SH2D4B: variants seen among roughly 807,000 people sequenced by gnomAD.
SH2D4B encodes SH2 domain containing 4B.
SH2D4B carries 45 observed loss-of-function variants against 61.5 expected under a neutral mutation model. The observed-to-expected ratio is 0.73, with a 90% CI of 0.58 to 0.94. The LOEUF is 0.94. Ranked by LOEUF, SH2D4B falls within the 40% of genes least tolerant of loss-of-function variation. The pLI is 0.00. For missense variants in SH2D4B, 572 were observed against 574.2 expected, an observed-to-expected ratio of 1.00 and a Z score of 0.04; for synonymous variants, 224 against 220.4, an observed-to-expected ratio of 1.02 and a Z score of -0.14.
intron 1 of SH2D4B, chr10:80,540,969 G>A: frequency 7.1e-7 from 1 of 1,409,608 alleles, no homozygotes; most frequent in African/African-American, 1.4e-5. Context: ...CCAGGCTCTT[G>A]AAACTGTCTT....
intron 7 of SH2D4B, among the ~76,000 whole-genome samples, chr10:80,637,780 T>C (rs1265849734): frequency 1.7e-4 from 26 of 152,192 alleles, no homozygotes; most frequent in Admixed American, 1.4e-3. Context: ...CCTTTATTTC[T>C]TTCTCCTGCC....
At chr10:80,576,822 C>CAGGG (rs1385452829) in intron 3 of SH2D4B, among the ~76,000 whole-genome samples, 1 of 152,158 alleles carries the variant, frequency 6.6e-6, no homozygotes, top group Non-Finnish European at 1.5e-5. Context: ...GGCTGGAGTG[C>CAGGG]AGGGACATGA....
At chr10:80,576,567 A>G (rs1769786933) in intron 3 of SH2D4B, among the ~76,000 whole-genome samples, 1 of 152,156 alleles carries the variant, frequency 6.6e-6, no homozygotes, top group Non-Finnish European at 1.5e-5. Context: ...TGCTGTGTGG[A>G]ACTCTTCATC....
intron 3 of SH2D4B, among the ~76,000 whole-genome samples, chr10:80,584,304 G>A (rs7897697): frequency 0.1 from 15,311 of 152,218 alleles, 902 homozygotes; most frequent in African/African-American, 0.17. Flanking sequence ...CAGTGCAGAT[G>A]GGAGAAGAAA....
chr10:80,564,270 T>G (rs1168979046), intron 1 of SH2D4B, among the ~76,000 whole-genome samples: 3 of 152,228 alleles, frequency 2.0e-5, no homozygotes, highest in African/African-American at 4.8e-5. Context: ...TTTAAATGTT[T>G]TCAAGTTTCC....
At chr10:80,553,738 C>G (rs186834060) in intron 1 of SH2D4B, among the ~76,000 whole-genome samples, 1 of 152,320 alleles carries the variant, frequency 6.6e-6, no homozygotes, top group Non-Finnish European at 1.5e-5. Flanking sequence ...TGCTCATACA[C>G]AGCAAAGGCA....
At chr10:80,612,901 G>A (rs1201791436) in intron 6 of SH2D4B, among the ~76,000 whole-genome samples, 9 of 152,182 alleles carry the variant, frequency 5.9e-5, no homozygotes, top group East Asian at 5.8e-4. Flanking sequence ...AGAACTTAGC[G>A]GCTCTGAGAC....
intron 7 of SH2D4B, among the ~76,000 whole-genome samples, chr10:80,637,757 C>G (rs1226089421): frequency 6.6e-6 from 1 of 152,188 alleles, no homozygotes; most frequent in Non-Finnish European, 1.5e-5. Context: ...TTCCTCTTTT[C>G]CTAATTGAAT....
At chr10:80,566,479 A>G (rs192641050) in intron 1 of SH2D4B, among the ~76,000 whole-genome samples, 1 of 151,986 alleles carries the variant, frequency 6.6e-6, no homozygotes, top group Non-Finnish European at 1.5e-5. Flanking sequence ...TAGTTTTAGT[A>G]GAGATGGGGT....
chr10:80,574,730 C>T lies in SH2D4B; in HGVS notation c.495+3152C>T, dbSNP rs546946430. Among the ~76,000 whole-genome samples, 19 of 151,988 alleles carry T rather than the reference C, an allele frequency of 1.3e-4. No individual in the cohort carries two copies. In the South Asian group the frequency reaches 1.5e-3, roughly 12 times the overall value. Reference sequence around the variant, plus strand: ...AATTAATTTGTTTGAGACGGAGTTTCGCTCTTGTTGTCCAGGCTGGAGTGC... The same window carrying T: ...AATTAATTTGTTTGAGACGGAGTTTTGCTCTTGTTGTCCAGGCTGGAGTGC... On this transcript the variant is annotated intron_variant, in intron 3 of 7. Transcript: ENST00000646907.
At chr10:80,631,004 G>A (rs1019363749) in intron 6 of SH2D4B, among the ~76,000 whole-genome samples, 2 of 152,206 alleles carry the variant, frequency 1.3e-5, no homozygotes, top group Admixed American at 1.3e-4. Context: ...GTTTTGGCAT[G>A]TTAAAAGTCA....
intron 4 of SH2D4B, among the ~76,000 whole-genome samples, chr10:80,603,157 C>A (rs996445871): frequency 6.6e-6 from 1 of 152,054 alleles, no homozygotes; most frequent in African/African-American, 2.4e-5. Flanking sequence ...GCCACCTTGA[C>A]GGGTGAGCTG....
rs1321543985 is a variant in SH2D4B, at chr10:80,646,193, C to T, written c.*2108C>T. ...AACAATAACAACTTAGTGCTTAGCC[C>T]ATGATGTATCAGGGGATATGATGTG... On this transcript the variant is annotated 3_prime_UTR_variant, in exon 8 of 8. Transcript: ENST00000646907. 1 of 152,576 alleles carries T rather than the reference C, an allele frequency of 6.6e-6. No homozygotes were observed. The highest frequency in any genetic ancestry group is 1.9e-4 in the East Asian group (1 of 5,202). 9.5% of individuals were successfully genotyped at this position (152,576 alleles called of 1,614,324 possible).
At chr10:80,561,903 A>T (rs1841905882) in intron 1 of SH2D4B, among the ~76,000 whole-genome samples, 1 of 152,160 alleles carries the variant, frequency 6.6e-6, no homozygotes, top group Non-Finnish European at 1.5e-5. Flanking sequence ...ATATACTTCA[A>T]CCAAAATTAC....
chr10:80,588,473 C>T (rs185227112), intron 3 of SH2D4B, among the ~76,000 whole-genome samples, 157 bp from the exon 4 acceptor site: 35 of 152,288 alleles, frequency 2.3e-4, no homozygotes, highest in African/African-American at 7.7e-4. Flanking sequence ...TATGGGAGTA[C>T]TGGGTAATTT....
intron 3 of SH2D4B, among the ~76,000 whole-genome samples, chr10:80,588,410 C>G (rs1842284441): frequency 6.6e-6 from 1 of 152,134 alleles, no homozygotes; most frequent in South Asian, 2.1e-4. Flanking sequence ...ATATAAGTTT[C>G]AAGCTTTAAG....
chr10:80,576,142 AG>A (rs1842122712), intron 3 of SH2D4B, among the ~76,000 whole-genome samples: 1 of 152,070 alleles, frequency 6.6e-6, no homozygotes, highest in South Asian at 2.1e-4. Context: ...GTATGAGTGG[AG>A]GTTTTCTGGT....
intron 3 of SH2D4B, among the ~76,000 whole-genome samples, chr10:80,581,317 C>T (rs1190407532): frequency 6.6e-6 from 1 of 152,134 alleles, no homozygotes; most frequent in Non-Finnish European, 1.5e-5. Flanking sequence ...CCACCATAGG[C>T]CAGTCAGACA....
intron 1 of SH2D4B, among the ~76,000 whole-genome samples, chr10:80,552,265 C>T (rs1485816648): frequency 6.6e-6 from 1 of 152,182 alleles, no homozygotes; most frequent in African/African-American, 2.4e-5. Context: ...GCCTGAGTTT[C>T]GGTGCAGTTT....
Sources: allele counts gnomAD v4.1 joint callset (sites outside exome capture counted in the v4.1 genomes callset), GRCh38; gene constraint gnomAD v4.1.1; transcripts MANE v1.5; gene names NCBI Gene and HGNC (gene_info 2026-07-23, HGNC 2026-07-21).